Variants in ACCSL observed in about 807,000 individuals in gnomAD.
ACCSL encodes probable inactive 1-aminocyclopropane-1-carboxylate synthase-like protein 2.
ACCSL carries 55 observed loss-of-function variants against 61.7 expected under a neutral mutation model. That is an observed-to-expected ratio of 0.89 (90% CI 0.72 to 1.12). The LOEUF is 1.12. ACCSL is among the 50% of genes most tolerant of loss of function. ACCSL has a pLI of 0.00. For synonymous variants in ACCSL, 258 were observed against 264.3 expected, an observed-to-expected ratio of 0.98 and a Z score of 0.23; for missense variants, 632 against 698.0, an observed-to-expected ratio of 0.91 and a Z score of 1.07.
At chr11:43,980,462 A>G in the ACCSL span, among the ~76,000 whole-genome samples, 1 of 151,682 alleles carries the variant, frequency 6.6e-6, no homozygotes, top group South Asian at 2.1e-4. Flanking sequence ...CAATTGAGCA[A>G]TGTTTACATA....
chr11:44,004,682 C>T, the ACCSL span, among the ~76,000 whole-genome samples: 2 of 152,206 alleles, frequency 1.3e-5, no homozygotes, highest in East Asian at 3.9e-4. Flanking sequence ...GGGTCTTTCC[C>T]TTCCATCTGC....
chr11:43,950,089 A>G, the ACCSL span, among the ~76,000 whole-genome samples: 170 of 152,334 alleles, frequency 1.1e-3, 1 homozygote, highest in South Asian at 0.028. Context: ...TTGTGTATTC[A>G]GTGAAAGGCT....
chr11:43,924,217 C>T, the ACCSL span, among the ~76,000 whole-genome samples: 5 of 152,338 alleles, frequency 3.3e-5, no homozygotes, highest in East Asian at 9.6e-4. Flanking sequence ...AACTGAAGTA[C>T]CCAGAGGATT....
the ACCSL span, among the ~76,000 whole-genome samples, chr11:44,014,267 G>A: frequency 6.6e-6 from 1 of 152,180 alleles, no homozygotes; most frequent in South Asian, 2.1e-4. Flanking sequence ...CTTCACAGGA[G>A]GCCCCTTGAG....
the ACCSL span, among the ~76,000 whole-genome samples, chr11:43,935,776 C>T: frequency 5.9e-5 from 9 of 152,284 alleles, no homozygotes; most frequent in South Asian, 4.1e-4. Flanking sequence ...TGCAGACATG[C>T]GCCACCATGC....
the ACCSL span, among the ~76,000 whole-genome samples, chr11:43,985,138 G>A: frequency 1.3e-5 from 2 of 152,206 alleles, no homozygotes; most frequent in African/African-American, 4.8e-5. Context: ...AGTACCTGGA[G>A]TGCTTTCTCC....
chr11:44,048,630 C>T, intron 1 of ACCSL, 90 bp downstream of exon 1: 2 of 1,257,904 alleles, frequency 1.6e-6, no homozygotes, highest in African/African-American at 1.5e-5. Flanking sequence ...TATATATGCT[C>T]TCATTCTTTA....
chr11:43,977,128 G>A, the ACCSL span, among the ~76,000 whole-genome samples: 1 of 152,122 alleles, frequency 6.6e-6, no homozygotes, highest in Non-Finnish European at 1.5e-5. Flanking sequence ...CCATCCTCAT[G>A]CAAAGGTGGA....
chr11:43,983,489 A>T, the ACCSL span, among the ~76,000 whole-genome samples: 1 of 152,106 alleles, frequency 6.6e-6, no homozygotes, highest in African/African-American at 2.4e-5. Context: ...CAAGGGTAGG[A>T]ACGAAATTGG....
At chr11:43,975,457 AGACAGAATGTCCTCTAAT>A in the ACCSL span, among the ~76,000 whole-genome samples, 2 of 152,210 alleles carry the variant, frequency 1.3e-5, no homozygotes, top group African/African-American at 2.4e-5. Context: ...CTATTCATGC[AGACAGAATGTCCTCTAAT>A]GTTTTGAGGT....
chr11:43,979,846 CA>C, the ACCSL span, among the ~76,000 whole-genome samples: 1,139 of 50,834 alleles, frequency 0.022, 3 homozygotes, highest in South Asian at 0.036. Flanking sequence ...GACTCTGTCT[CA>C]AAAAAAAAAA....
the ACCSL span, among the ~76,000 whole-genome samples, chr11:44,010,815 G>C: frequency 5.9e-5 from 9 of 152,178 alleles, no homozygotes; most frequent in African/African-American, 2.2e-4. Context: ...AGCAACAAGT[G>C]TGTATAACTG....
the ACCSL span, among the ~76,000 whole-genome samples, chr11:43,948,526 C>T: frequency 1.2e-4 from 19 of 152,084 alleles, no homozygotes; most frequent in Admixed American, 5.9e-4. Flanking sequence ...CAGGCTGGAG[C>T]GCAGTGGAGC....
chr11:44,007,904 C>G, the ACCSL span, among the ~76,000 whole-genome samples: 1 of 152,058 alleles, frequency 6.6e-6, no homozygotes, highest in East Asian at 1.9e-4. Context: ...TGCAGTGAGA[C>G]CCGTCTCGAC....
the ACCSL span, among the ~76,000 whole-genome samples, chr11:43,938,103 T>C: frequency 6.6e-6 from 1 of 151,990 alleles, no homozygotes; most frequent in African/African-American, 2.4e-5. Flanking sequence ...GCAAGGAGAG[T>C]TGGGTCATGC....
At chr11:43,928,154 G>A in the ACCSL span, among the ~76,000 whole-genome samples, 1 of 152,158 alleles carries the variant, frequency 6.6e-6, no homozygotes, top group African/African-American at 2.4e-5. Flanking sequence ...CTTATGTTGA[G>A]CTGGAGGGGA....
At chr11:43,965,952 A>C in the ACCSL span, among the ~76,000 whole-genome samples, 2 of 152,214 alleles carry the variant, frequency 1.3e-5, no homozygotes, top group Non-Finnish European at 2.9e-5. Context: ...ATAAACAAAA[A>C]TTAATTCAAA....
At chr11:43,969,151 C>G in the ACCSL span, among the ~76,000 whole-genome samples, 16 of 152,040 alleles carry the variant, frequency 1.1e-4, no homozygotes, top group African/African-American at 3.9e-4. Context: ...AAGTTCGAGC[C>G]CAGCCTGGGC....
At chr11:43,945,398 C>T in the ACCSL span, 6 of 152,222 alleles carry the variant, frequency 3.9e-5, no homozygotes, top group Non-Finnish European at 7.3e-5. Context: ...ACTCCACATC[C>T]TGTGCCCCTC....
Sources: gnomAD v4.1 joint callset for allele counts (sites outside exome capture counted in the v4.1 genomes callset) on GRCh38, gnomAD v4.1.1 for gene constraint, MANE v1.5 for transcripts, NCBI Gene and HGNC (gene_info 2026-07-23, HGNC 2026-07-21) for gene names.